WDR49: variants seen among roughly 807,000 people sequenced by gnomAD.
WDR49 encodes the protein cilia- and flagella-associated protein 337.
A neutral mutation model predicts 119.5 loss-of-function variants in WDR49; 107 were observed. The ratio of observed to expected loss-of-function variants is 0.90; its 90% CI spans 0.77 to 1.05. WDR49 has a LOEUF of 1.05. Ranked by LOEUF, WDR49 falls within the 50% of genes least tolerant of loss-of-function variation. The pLI, the probability that WDR49 is intolerant of heterozygous loss-of-function variation, is 0.00. For synonymous variants in WDR49, 425 were observed against 418.8 expected (o/e 1.01, Z -0.18); for missense variants, 1,240 against 1,220.5 (o/e 1.02, Z -0.24).
intron 18 of WDR49, among the ~76,000 whole-genome samples, chr3:167,499,928 G>A (rs1397286851): frequency 6.6e-6 from 1 of 152,082 alleles, no homozygotes. Context: ...CTTCAGAAAA[G>A]GAACAAAATA....
chr3:167,548,552 T>G (rs1712349083), intron 10 of WDR49, among the ~76,000 whole-genome samples: 1 of 152,044 alleles, frequency 6.6e-6, no homozygotes, highest in Non-Finnish European at 1.5e-5. Flanking sequence ...AAGTAGTCTA[T>G]TTTATTATAA....
intron 16 of WDR49, among the ~76,000 whole-genome samples, chr3:167,513,430 A>G (rs912923634): frequency 6.6e-6 from 1 of 152,194 alleles, no homozygotes; most frequent in African/African-American, 2.4e-5. Flanking sequence ...CATCACCACT[A>G]GGCCTGCCTT....
chr3:167,603,954 ATTTG>A (rs778108088), intron 6 of WDR49, among the ~76,000 whole-genome samples: 2 of 152,016 alleles, frequency 1.3e-5, no homozygotes, highest in Admixed American at 6.6e-5. Flanking sequence ...GAAAAAATGC[ATTTG>A]TTTGGGTGGA....
At chr3:167,557,613 C>T (rs1024513013) in intron 9 of WDR49, among the ~76,000 whole-genome samples, 5 of 151,936 alleles carry the variant, frequency 3.3e-5, no homozygotes, top group African/African-American at 7.3e-5. Context: ...ATTAGCCGGG[C>T]GTGGTGGCAG....
intron 16 of WDR49, among the ~76,000 whole-genome samples, chr3:167,517,613 A>G (rs930997033): frequency 6.6e-6 from 1 of 152,210 alleles, no homozygotes; most frequent in Non-Finnish European, 1.5e-5. Context: ...AGGTACAGGC[A>G]AAGATTTCAA....
chr3:167,563,290 C>T (rs1440945871), intron 8 of WDR49, among the ~76,000 whole-genome samples: 1 of 143,676 alleles, frequency 7.0e-6, no homozygotes, highest in Non-Finnish European at 1.5e-5. Context: ...GGAGGCGGAG[C>T]TTGCAGTGAG....
chr3:167,592,826 C>G (rs2108297430), intron 7 of WDR49, among the ~76,000 whole-genome samples: 1 of 152,256 alleles, frequency 6.6e-6, no homozygotes, highest in South Asian at 2.1e-4. Flanking sequence ...TTGATGAAAT[C>G]CTTCAGCTTT....
chr3:167,505,501 A>AAAAAAC (rs929826785), intron 16 of WDR49, 85 bp from the exon 17 acceptor site: 1 of 1,368,718 alleles, frequency 7.3e-7, no homozygotes, highest in Middle Eastern at 2.0e-4. Flanking sequence ...CTTTGACCAA[A>AAAAAAC]AAAAACAAAA....
Position 167,532,889 on chromosome 3 carries a change from C to T in WDR49, c.2043G>A (p.Lys681=). ...CAAACTCACACTTACCTAATTTTGA[C>T]TTTAGCAACCTCTGGTAATCAGGGT... is the stretch of plus-strand genomic sequence containing the variant. ...VLHPDYQRLL[K]SKLDTKPQKL... Residue 681 remains lysine (K), a synonymous_variant, in exon 12 of 19, where the codon AAG becomes AAA. Transcript: ENST00000682715. 1 of 1,608,650 alleles carries T rather than the reference C, an allele frequency of 6.2e-7. No homozygotes were observed.
At chr3:167,512,508 AT>A (rs1752018033) in intron 16 of WDR49, among the ~76,000 whole-genome samples, 1 of 152,186 alleles carries the variant, frequency 6.6e-6, no homozygotes, top group South Asian at 2.1e-4. Context: ...TGAGAAAAAA[AT>A]CCACACAAAA....
chr3:167,589,422 T>C (rs1210943299), intron 7 of WDR49, among the ~76,000 whole-genome samples: 2 of 152,176 alleles, frequency 1.3e-5, no homozygotes, highest in Non-Finnish European at 2.9e-5. Context: ...CTATTCTGGG[T>C]CTTCTGTGAT....
At chr3:167,595,644 G>A (rs977081401) in intron 7 of WDR49, among the ~76,000 whole-genome samples, 1 of 152,220 alleles carries the variant, frequency 6.6e-6, no homozygotes, top group African/African-American at 2.4e-5. Flanking sequence ...AATAAATGGT[G>A]CTGGGGAAAT....
chr3:167,620,365 C>T (rs1400280399), intron 5 of WDR49, 64 bp downstream of exon 5: 9 of 1,406,062 alleles, frequency 6.4e-6, no homozygotes, highest in Non-Finnish European at 8.4e-6. Flanking sequence ...GCATTTTCAT[C>T]AAAGAATATA....
At chr3:167,544,824 C>T (rs1712071332) in intron 10 of WDR49, among the ~76,000 whole-genome samples, 1 of 151,374 alleles carries the variant, frequency 6.6e-6, no homozygotes, top group African/African-American at 2.4e-5. Context: ...TGCAACAAAA[C>T]AAAAATAAAT....
At position 167,505,379 on chromosome 3, in the gene WDR49, AT is replaced by A; in HGVS notation, c.2811del (p.Lys937AsnfsTer9). 6.5e-7 allele frequency: 1 copy of A among 1,527,580 alleles called. No homozygotes were observed. The highest frequency in any genetic ancestry group is 8.7e-7 in the Non-Finnish European group (1 of 1,146,690). The allele number at this position is 1,527,580 out of a possible 1,614,324, so 94.6% of individuals were successfully genotyped here. A position where few individuals can be genotyped will look rare whatever the true frequency, so the allele number is the denominator to read the frequency against. On this transcript the variant is annotated frameshift_variant, in exon 17 of 19. Coordinates refer to ENST00000682715, the MANE Select transcript of WDR49 (RefSeq NM_001366157.1). LOFTEE classifies it high-confidence loss of function. ...RPSEDINLDIKYKERSTCMKE... is the reference protein window; with the variant it reads ...RPSEDINLDIXYKERSTCMKE... ...TTCATGCAGGTACTTCTTTCCTTAT[AT>A]TTTATATCTAAATTTATATCTTCTG... is the stretch of plus-strand genomic sequence containing the variant.
At chr3:167,492,990 C>T (rs1223428622) in intron 18 of WDR49, among the ~76,000 whole-genome samples, 2 of 152,076 alleles carry the variant, frequency 1.3e-5, no homozygotes, top group African/African-American at 4.8e-5. Flanking sequence ...CTTTTTGATG[C>T]CTGCTCTGTG....
chr3:167,560,836 G>T (rs566285827), intron 8 of WDR49, among the ~76,000 whole-genome samples: 27 of 149,924 alleles, frequency 1.8e-4, no homozygotes, highest in African/African-American at 4.9e-4. Context: ...TGCACACTTT[G>T]AAAGGAAGGC....
At chr3:167,491,580 G>A (rs552612088) in intron 18 of WDR49, among the ~76,000 whole-genome samples, 3 of 151,960 alleles carry the variant, frequency 2.0e-5, no homozygotes, top group Non-Finnish European at 4.4e-5. Context: ...TAATTGTTTC[G>A]TACATTTTGT....
At chr3:167,489,274 C>T (rs1338169351) in intron 18 of WDR49, among the ~76,000 whole-genome samples, 1 of 152,056 alleles carries the variant, frequency 6.6e-6, no homozygotes, top group Non-Finnish European at 1.5e-5. Context: ...AATGAAGGAA[C>T]TTTCAGGCAT....
Sources: allele counts gnomAD v4.1 joint callset (sites outside exome capture counted in the v4.1 genomes callset), GRCh38; gene constraint gnomAD v4.1.1; transcripts MANE v1.5; gene names NCBI Gene and HGNC (gene_info 2026-07-23, HGNC 2026-07-21).